Variants in OPCML observed in about 807,000 individuals in gnomAD.
The protein encoded by OPCML is opioid binding protein/cell adhesion molecule like.
In OPCML, 13 loss-of-function variants were observed where a neutral mutation model predicts 37.8. That is an observed-to-expected ratio of 0.34 (90% CI 0.22 to 0.55). The LOEUF (loss-of-function observed/expected upper bound fraction) is 0.55, where lower values mean the gene tolerates loss of function less well. OPCML is among the 20% of genes least tolerant of loss of function. The pLI is 0.91. For synonymous variants in OPCML, 176 were observed against 168.8 expected (o/e 1.04, Z -0.33); for missense variants, 341 against 435.6 (o/e 0.78, Z 1.93).
intron 4 of OPCML, among the ~76,000 whole-genome samples, chr11:132,485,288 C>G (rs989745797): frequency 2.0e-5 from 3 of 152,116 alleles, no homozygotes; most frequent in Non-Finnish European, 4.4e-5. Flanking sequence ...CAGTCCAGGA[C>G]TGGGGCAGGA....
At chr11:132,534,003 C>T (rs1168628922) in intron 3 of OPCML, among the ~76,000 whole-genome samples, 1 of 152,076 alleles carries the variant, frequency 6.6e-6, no homozygotes, top group Non-Finnish European at 1.5e-5. Context: ...CTTCTTTATC[C>T]CTATAAACAT....
intron 3 of OPCML, among the ~76,000 whole-genome samples, chr11:132,563,455 C>T (rs2096415095): frequency 6.6e-6 from 1 of 151,876 alleles, no homozygotes; most frequent in South Asian, 2.1e-4. Context: ...TTCACCTTCT[C>T]TTTGGGGAGA....
At chr11:133,426,600 C>A (rs527770622) in intron 1 of OPCML, among the ~76,000 whole-genome samples, 1 of 152,258 alleles carries the variant, frequency 6.6e-6, no homozygotes, top group South Asian at 2.1e-4. Context: ...CCCCCGACGC[C>A]CACACCAACC....
At chr11:132,467,762 T>C (rs1353050565) in intron 4 of OPCML, among the ~76,000 whole-genome samples, 1 of 152,184 alleles carries the variant, frequency 6.6e-6, no homozygotes, top group Non-Finnish European at 1.5e-5. Context: ...ACTACAAGAA[T>C]TGTGGAGATC....
chr11:132,867,828 T>C (rs1448803327), intron 2 of OPCML, among the ~76,000 whole-genome samples: 1 of 152,162 alleles, frequency 6.6e-6, no homozygotes, highest in Non-Finnish European at 1.5e-5. Flanking sequence ...TAGCAAGGCA[T>C]TTGGAGGTTT....
chr11:132,605,150 T>C (rs1432022693), intron 3 of OPCML, among the ~76,000 whole-genome samples: 1 of 152,174 alleles, frequency 6.6e-6, no homozygotes, highest in East Asian at 1.9e-4. Flanking sequence ...AGAAAACAAA[T>C]GCAATAATAT....
At chr11:132,820,029 G>A (rs1041045094) in intron 2 of OPCML, among the ~76,000 whole-genome samples, 6 of 152,044 alleles carry the variant, frequency 3.9e-5, no homozygotes, top group African/African-American at 1.4e-4. Context: ...AAACGTCAGA[G>A]GGTCTTACAT....
At chr11:133,452,885 T>C (rs1487850493) in intron 1 of OPCML, among the ~76,000 whole-genome samples, 5 of 151,650 alleles carry the variant, frequency 3.3e-5, no homozygotes, top group Admixed American at 6.6e-5. Flanking sequence ...AACTTATGGG[T>C]CTGCTACTCA....
chr11:133,482,306 C>A (rs920072474), intron 1 of OPCML, among the ~76,000 whole-genome samples: 1 of 152,180 alleles, frequency 6.6e-6, no homozygotes, highest in African/African-American at 2.4e-5. Context: ...AGACGTCCTG[C>A]ATTTGAGGCA....
Position 133,206,774 on chromosome 11 carries a change from T to C in OPCML, c.62-263764A>G, listed in dbSNP as rs539714950. Among the ~76,000 whole-genome samples the C allele has an allele frequency of 6.6e-6, 1 of 152,008 alleles. No homozygotes were observed. The highest frequency in any genetic ancestry group is 2.1e-4 in the South Asian group (1 of 4,804). ...CAAGAAATGCACTGCCTCGGCGGAGTCTTCTGGTCCGCAGGTTTGTGAATG... is the reference window on the plus strand; with the variant it reads ...CAAGAAATGCACTGCCTCGGCGGAGCCTTCTGGTCCGCAGGTTTGTGAATG... On this transcript the variant is annotated intron_variant, in intron 1 of 7. Coordinates refer to ENST00000524381, the MANE Select transcript of OPCML (RefSeq NM_001012393.5). The surrounding 1 kb of genome is among the most constrained non-coding windows in gnomAD (Gnocchi z 4.7).
intron 3 of OPCML, among the ~76,000 whole-genome samples, chr11:132,647,129 T>C (rs926904955): frequency 1.3e-5 from 2 of 152,148 alleles, no homozygotes; most frequent in Non-Finnish European, 2.9e-5. Flanking sequence ...GAAAGGAAGT[T>C]AAGCTAGAAG....
chr11:132,604,008 C>A (rs1306389101), intron 3 of OPCML, among the ~76,000 whole-genome samples: 2 of 152,186 alleles, frequency 1.3e-5, no homozygotes, highest in East Asian at 3.9e-4. Flanking sequence ...AAAGCCAACT[C>A]CACCAGGTCA....
chr11:132,845,667 C>T (rs565563921), intron 2 of OPCML, among the ~76,000 whole-genome samples: 1 of 152,256 alleles, frequency 6.6e-6, no homozygotes, highest in African/African-American at 2.4e-5. Context: ...TCTGTCTATT[C>T]GCATTCAACA....
At chr11:132,463,679 C>T (rs1731466676) in intron 4 of OPCML, among the ~76,000 whole-genome samples, 1 of 152,202 alleles carries the variant, frequency 6.6e-6, no homozygotes, top group African/African-American at 2.4e-5. Context: ...TTCATCTTCT[C>T]ACCTGCCAAT....
intron 4 of OPCML, among the ~76,000 whole-genome samples, chr11:132,467,945 T>C (rs867055318): frequency 1.1e-4 from 17 of 152,204 alleles, no homozygotes; most frequent in Non-Finnish European, 1.8e-4. Flanking sequence ...CAAGGTTGAA[T>C]AGATGCGTTC....
intron 4 of OPCML, among the ~76,000 whole-genome samples, chr11:132,447,852 T>C (rs1174386566): frequency 6.6e-6 from 1 of 152,344 alleles, no homozygotes; most frequent in Admixed American, 6.5e-5. Flanking sequence ...GCTGGACTGA[T>C]GGTCAAGAAA....
At chr11:133,104,967 G>A (rs1157787731) in intron 1 of OPCML, among the ~76,000 whole-genome samples, 3 of 152,150 alleles carry the variant, frequency 2.0e-5, no homozygotes, top group African/African-American at 7.2e-5. Context: ...GTAATATAAA[G>A]CAAAATATTA....
At chr11:132,572,365 C>T (rs922643047) in intron 3 of OPCML, among the ~76,000 whole-genome samples, 1 of 151,898 alleles carries the variant, frequency 6.6e-6, no homozygotes, top group Non-Finnish European at 1.5e-5. Flanking sequence ...GTCTTTTTTT[C>T]TAGAAGTTTT....
Position 132,441,158 on chromosome 11 carries a change from C to CTTTTTTTTTTTTTTTTTTTTTTTT in OPCML, c.506-3800_506-3799insAAAAAAAAAAAAAAAAAAAAAAAA, listed in dbSNP as rs749099654. On this transcript the variant is annotated intron_variant, in intron 4 of 7. Transcript: ENST00000524381. ...ATTCTGAAGATGTGTTCACCAAGGA[C>CTTTTTTTTTTTTTTTTTTTTTTTT]TTTTTTGTTTTTTTTTTTTTTTTTT... 1.5e-4 allele frequency among the ~76,000 whole-genome samples: 16 copies of CTTTTTTTTTTTTTTTTTTTTTTTT among 108,052 alleles called. 1 individual carries two copies. Among genetic ancestry groups the CTTTTTTTTTTTTTTTTTTTTTTTT allele is most frequent in the South Asian group, 3.1e-4 (1 of 3,188 alleles). 70.9% of individuals were successfully genotyped at this position (108,052 alleles called of 152,430 possible). A position where few individuals can be genotyped will look rare whatever the true frequency, so the allele number is the denominator to read the frequency against.
Sources: gnomAD v4.1 joint callset for allele counts (sites outside exome capture counted in the v4.1 genomes callset) on GRCh38, gnomAD v4.1.1 for gene constraint, Gnocchi (gnomAD v3.1) non-coding constraint, MANE v1.5 for transcripts, NCBI Gene and HGNC (gene_info 2026-07-23, HGNC 2026-07-21) for gene names.